The following OXCT1 variants were observed in gnomAD, a reference collection of about 807,000 sequenced individuals.
OXCT1 encodes succinyl-CoA:3-ketoacid coenzyme A transferase 1, mitochondrial.
A neutral mutation model predicts 69.6 loss-of-function variants in OXCT1; 27 were observed. That is an observed-to-expected ratio of 0.39 (90% CI 0.29 to 0.54). The LOEUF is 0.54. Among genes scored for constraint, OXCT1 ranks in the 20% least tolerant of loss-of-function variants. The pLI, the probability that OXCT1 is intolerant of heterozygous loss-of-function variation, is 0.72. For missense variants in OXCT1, 437 were observed against 650.2 expected (o/e 0.67, Z 3.57); for synonymous variants, 202 against 217.8 (o/e 0.93, Z 0.64).
chr5:41,835,388 A>C (rs906593819), intron 7 of OXCT1, among the ~76,000 whole-genome samples: 6 of 152,252 alleles, frequency 3.9e-5, no homozygotes, highest in African/African-American at 1.4e-4. Flanking sequence ...AGTATAGAAC[A>C]CAGAAGATAC....
At position 41,870,324 on chromosome 5, in the gene OXCT1, C is replaced by T. The variant is rs945628367; in HGVS notation, c.35G>A (p.Arg12Gln). ...AGATCCGCGGGCAGAGGCGCAGAGCCGAAGCCCGGAGGAGAGGAGTTTGAG... is the reference window on the plus strand; with the variant it reads ...AGATCCGCGGGCAGAGGCGCAGAGCTGAAGCCCGGAGGAGAGGAGTTTGAG... ...AALKLLSSGL[R>Q]LCASARGSGA... is the part of the protein sequence containing the mutation. Residue 12 changes from arginine (R) to glutamine (Q), a missense_variant, in exon 1 of 17, where the codon CGG becomes CAG. Around this residue, in one of 4 missense-constraint regions of OXCT1, gnomAD observed 79 missense variants for 61.5 expected, o/e 1.28. Coordinates refer to ENST00000196371, the MANE Select transcript of OXCT1 (RefSeq NM_000436.4). This position sits in a 1 kb window ranked among gnomAD's most constrained non-coding sequence, Gnocchi z 4.2. 6 of 1,613,850 alleles carry T rather than the reference C, an allele frequency of 3.7e-6. No homozygotes were observed. In the African/African-American group the frequency reaches 4.0e-5, roughly 11 times the overall value.
intron 4 of OXCT1, among the ~76,000 whole-genome samples, chr5:41,852,960 T>G (rs763745517): frequency 7.9e-5 from 12 of 151,848 alleles, no homozygotes; most frequent in Admixed American, 3.3e-4. Flanking sequence ...AATCTCAGCT[T>G]CTCAGGAGGC....
At chr5:41,825,982 A>C (rs1316362532) in intron 7 of OXCT1, among the ~76,000 whole-genome samples, 1 of 152,248 alleles carries the variant, frequency 6.6e-6, no homozygotes, top group East Asian at 1.9e-4. Flanking sequence ...AAAAGAGATA[A>C]AATGGGTCAT....
chr5:41,864,483 T>C (rs1749873867), intron 1 of OXCT1, among the ~76,000 whole-genome samples: 1 of 152,232 alleles, frequency 6.6e-6, no homozygotes, highest in African/African-American at 2.4e-5. Flanking sequence ...ATTCATCTGC[T>C]TCTGTTTTAA....
At chr5:41,858,076 A>G (rs554931253) in intron 3 of OXCT1, among the ~76,000 whole-genome samples, 1 of 152,258 alleles carries the variant, frequency 6.6e-6, no homozygotes, top group East Asian at 1.9e-4. Context: ...TTCATTTGTT[A>G]GCTCTGAGAA....
intron 7 of OXCT1, among the ~76,000 whole-genome samples, chr5:41,827,182 C>T (rs1747848859): frequency 6.6e-6 from 1 of 152,172 alleles, no homozygotes; most frequent in African/African-American, 2.4e-5. Context: ...TTTCCAAATG[C>T]ACTTAAAATC....
intron 5 of OXCT1, among the ~76,000 whole-genome samples, chr5:41,847,736 A>G (rs997666403): frequency 2.6e-5 from 4 of 152,226 alleles, no homozygotes; most frequent in African/African-American, 9.6e-5. Context: ...ACAACCCTTC[A>G]TGCTAAAAAC....
chr5:41,804,628 C>G (rs947861756), intron 9 of OXCT1, among the ~76,000 whole-genome samples: 4 of 152,068 alleles, frequency 2.6e-5, no homozygotes, highest in African/African-American at 9.7e-5. Context: ...ACTGGAAGAG[C>G]AGCAACATGC....
At chr5:41,844,425 C>G (rs1019761757) in intron 5 of OXCT1, among the ~76,000 whole-genome samples, 1 of 152,034 alleles carries the variant, frequency 6.6e-6, no homozygotes, top group Non-Finnish European at 1.5e-5. Flanking sequence ...TAAAATTTCC[C>G]TTCTCTTTCA....
At chr5:41,840,608 C>A in intron 6 of OXCT1, 97 bp from the exon 7 acceptor site, 1 of 686,482 alleles carries the variant, frequency 1.5e-6, no homozygotes, top group South Asian at 1.8e-5. Flanking sequence ...TTTCTATGAA[C>A]TAAGAATCTA....
At chr5:41,796,665 AGAAATATTTTT>A (rs1746200152) in intron 11 of OXCT1, among the ~76,000 whole-genome samples, 1 of 152,216 alleles carries the variant, frequency 6.6e-6, no homozygotes. Context: ...TCCAAATGAT[AGAAATATTTTT>A]GTATCTTTTA....
intron 14 of OXCT1, among the ~76,000 whole-genome samples, chr5:41,756,557 AG>A (rs1411750110): frequency 6.6e-6 from 1 of 152,154 alleles, no homozygotes; most frequent in Non-Finnish European, 1.5e-5. Context: ...AACTTGGAAA[AG>A]TTAGAAGTGC....
At chr5:41,854,727 A>T (rs1369601759) in intron 3 of OXCT1, among the ~76,000 whole-genome samples, 1 of 152,166 alleles carries the variant, frequency 6.6e-6, no homozygotes, top group African/African-American at 2.4e-5. Flanking sequence ...AATGGCAAAA[A>T]GTATGATGAG....
intron 8 of OXCT1, among the ~76,000 whole-genome samples, chr5:41,806,836 A>G (rs1036964000): frequency 6.6e-6 from 1 of 152,018 alleles, no homozygotes; most frequent in South Asian, 2.1e-4. Context: ...AATACCTTCA[A>G]TGCTCCTGGT....
At chr5:41,869,878 T>C (rs1750200662) in intron 1 of OXCT1, among the ~76,000 whole-genome samples, 1 of 152,032 alleles carries the variant, frequency 6.6e-6, no homozygotes, top group East Asian at 1.9e-4. Context: ...CTACCCGCTG[T>C]TGCCTCACTC....
chr5:41,836,640 T>G (rs1268494132), intron 7 of OXCT1, among the ~76,000 whole-genome samples: 1 of 152,120 alleles, frequency 6.6e-6, no homozygotes, highest in Non-Finnish European at 1.5e-5. Context: ...GTTAGTTAGA[T>G]TCTCATAAGG....
rs1432847452 is a variant in OXCT1, at chr5:41,794,769, A to C, written c.1100-20T>G. 2 of 1,602,182 alleles carry C rather than the reference A, an allele frequency of 1.2e-6. No homozygotes were observed. Among genetic ancestry groups the C allele is most frequent in the Admixed American group, 1.7e-5 (1 of 60,002 alleles). On this transcript the variant is annotated intron_variant, in intron 11 of 16. Transcript: ENST00000196371. ...CCTTGCCTAAACACACACACACACA[A>C]AAGAAAGAAAAGGCTATTAGATTTC...
At chr5:41,783,897 T>TA (rs1197002761) in intron 13 of OXCT1, among the ~76,000 whole-genome samples, 8 of 152,126 alleles carry the variant, frequency 5.3e-5, no homozygotes. Flanking sequence ...TCTTTCCTCC[T>TA]AAAAAAGACT....
intron 6 of OXCT1, among the ~76,000 whole-genome samples, chr5:41,842,240 A>G (rs941753068): frequency 6.6e-6 from 1 of 152,208 alleles, no homozygotes. Flanking sequence ...AAGACACCAA[A>G]AGGACTGAAG....
Sources: allele counts gnomAD v4.1 joint callset (sites outside exome capture counted in the v4.1 genomes callset), GRCh38; gene constraint gnomAD v4.1.1; regional missense constraint gnomAD v4.1.1; non-coding constraint Gnocchi (gnomAD v3.1); transcripts MANE v1.5; gene names NCBI Gene and HGNC (gene_info 2026-07-23, HGNC 2026-07-21).